The following DPH6 variants were observed in gnomAD, a reference collection of about 807,000 sequenced individuals.
DPH6 encodes diphthine--ammonia ligase.
Under a neutral mutation model 38.2 loss-of-function variants are expected in DPH6, and 33 were observed. The ratio of observed to expected loss-of-function variants is 0.86; its 90% CI spans 0.65 to 1.15. The LOEUF (loss-of-function observed/expected upper bound fraction) is 1.15. Among genes scored for constraint, DPH6 ranks in the 50% most tolerant of loss-of-function variants. The probability of loss-of-function intolerance (pLI) is 0.00; values close to 1 mark genes in which losing one functional copy is unlikely to be tolerated. For missense variants in DPH6, 325 were observed against 320.0 expected, an observed-to-expected ratio of 1.02 and a Z score of -0.12; for synonymous variants, 108 against 103.0, an observed-to-expected ratio of 1.05 and a Z score of -0.30.
intron 6 of DPH6, among the ~76,000 whole-genome samples, chr15:35,404,309 T>C (rs1027248103): frequency 1.3e-5 from 2 of 152,128 alleles, no homozygotes; most frequent in Non-Finnish European, 2.9e-5. Flanking sequence ...TCCAAACACT[T>C]CTCCAGAGTA....
intron 3 of DPH6, among the ~76,000 whole-genome samples, chr15:35,279,734 T>A (rs2051886107): frequency 6.6e-6 from 1 of 152,168 alleles, no homozygotes. Context: ...CCTGCAGAAC[T>A]GTGAGCCAAT....
chr15:35,346,537 C>G (rs1334501661), intron 3 of DPH6, among the ~76,000 whole-genome samples: 2 of 152,036 alleles, frequency 1.3e-5, no homozygotes, highest in East Asian at 3.9e-4. Context: ...TCAGTATTGC[C>G]AGAGATTGAG....
At chr15:35,180,784 G>C in the DPH6 span, among the ~76,000 whole-genome samples, 1 of 151,936 alleles carries the variant, frequency 6.6e-6, no homozygotes, top group Non-Finnish European at 1.5e-5. Flanking sequence ...CACCATGCCT[G>C]CCCTACTTTA....
rs186793838 is a variant in DPH6 at position 35,382,024 on chromosome 15, A to G, written c.568-108T>C. 1.8e-5 allele frequency: 14 copies of G among 777,186 alleles called. No homozygotes were observed. The African/African-American group carries it at 2.1e-4, about 12-fold the overall frequency. The allele number at this position is 777,186 out of a possible 1,614,324, so 48.1% of individuals were successfully genotyped here. The stretch of plus-strand genomic sequence containing the variant: ...CCATACAAAAAACTTTAATTCCAAA[A>G]TAGTTTGCAAGGTAAGGAAAATTAA... On this transcript the variant is annotated intron_variant, in intron 6 of 8. Transcript: ENST00000256538.
chr15:35,482,359 T>C (rs2054337622), intron 3 of DPH6, among the ~76,000 whole-genome samples: 2 of 152,178 alleles, frequency 1.3e-5, no homozygotes, highest in African/African-American at 4.8e-5. Context: ...AAGGTCAAGC[T>C]AGCCTCAAAT....
chr15:35,278,544 C>T (rs1378298122), intron 3 of DPH6, among the ~76,000 whole-genome samples: 1 of 152,216 alleles, frequency 6.6e-6, no homozygotes, highest in East Asian at 1.9e-4. Flanking sequence ...CACCAGGGCA[C>T]TGCCTAGTGG....
intron 7 of DPH6, among the ~76,000 whole-genome samples, chr15:35,378,534 T>C (rs2052813726): frequency 6.6e-6 from 1 of 152,206 alleles, no homozygotes; most frequent in South Asian, 2.1e-4. Context: ...ACATGTATGT[T>C]TATTGTGGCA....
the DPH6 span, among the ~76,000 whole-genome samples, chr15:35,161,341 T>C: frequency 1.3e-5 from 2 of 151,900 alleles, no homozygotes; most frequent in African/African-American, 2.4e-5. Flanking sequence ...TTTGTGGTTT[T>C]AAATCTTTAT....
At chr15:35,444,796 T>C (rs140253661) in intron 5 of DPH6, among the ~76,000 whole-genome samples, 3,666 of 152,268 alleles carry the variant, frequency 0.024, 59 homozygotes, top group Middle Eastern at 0.048. Flanking sequence ...CTAGTGTCTC[T>C]ATTTGGATTA....
At chr15:35,453,816 C>T (rs1410769092) in intron 4 of DPH6, among the ~76,000 whole-genome samples, 1 of 151,418 alleles carries the variant, frequency 6.6e-6, no homozygotes, top group Non-Finnish European at 1.5e-5. Context: ...AACAAGTGTT[C>T]AAATCTATTA....
At chr15:35,257,466 T>C (rs2589541) in intron 3 of DPH6, among the ~76,000 whole-genome samples, 83,191 of 152,036 alleles carry the variant, frequency 0.55, 26,589 homozygotes, top group Non-Finnish European at 0.73. Context: ...GCAATGCTAA[T>C]CAAAAAGTAT....
Position 35,474,399 on chromosome 15 carries a change from G to A in DPH6, c.313-19579C>T, listed in dbSNP as rs146359059. On this transcript the variant is annotated intron_variant, in intron 3 of 8. Transcript: ENST00000256538. ...AAAGAGAAACAAATACTGAGGACCA[G>A]TTACATTCTTCACTCTTTTTTGCCC... 5.8e-3 allele frequency among the ~76,000 whole-genome samples: 876 copies of A among 152,184 alleles called. 8 individuals carry two copies. The highest frequency in any genetic ancestry group is 0.016 in the African/African-American group (666 of 41,526).
the DPH6 span, among the ~76,000 whole-genome samples, chr15:35,212,217 G>A: frequency 6.6e-6 from 1 of 152,016 alleles, no homozygotes; most frequent in Non-Finnish European, 1.5e-5. Flanking sequence ...GGAAACTGTG[G>A]ACCACTTTTT....
chr15:35,520,183 A>T, intron 3 of DPH6: 1 of 479,470 alleles, frequency 2.1e-6, no homozygotes, highest in Non-Finnish European at 2.7e-6. Flanking sequence ...AATGACAGCT[A>T]CAGATCAATC....
At chr15:35,491,913 A>G (rs564659892) in intron 3 of DPH6, among the ~76,000 whole-genome samples, 2 of 151,778 alleles carry the variant, frequency 1.3e-5, no homozygotes, top group Non-Finnish European at 2.9e-5. Flanking sequence ...ATATGTATCT[A>G]TAGAACTATA....
intron 3 of DPH6, among the ~76,000 whole-genome samples, chr15:35,510,780 A>C (rs916595369): frequency 2.6e-5 from 4 of 152,210 alleles, no homozygotes; most frequent in African/African-American, 9.6e-5. Flanking sequence ...TAAATTAGGG[A>C]AGCTATATGT....
the DPH6 span, among the ~76,000 whole-genome samples, chr15:35,164,294 A>C: frequency 2.0e-5 from 3 of 152,030 alleles, no homozygotes; most frequent in East Asian, 3.9e-4. Context: ...ATTTTTTAAA[A>C]TGCCATTTTA....
At chr15:35,274,694 A>G (rs2051845835) in intron 3 of DPH6, among the ~76,000 whole-genome samples, 1 of 151,880 alleles carries the variant, frequency 6.6e-6, no homozygotes, top group Non-Finnish European at 1.5e-5. Flanking sequence ...ACAATGAGAT[A>G]CCATCTCACG....
At chr15:35,152,864 G>T in the DPH6 span, among the ~76,000 whole-genome samples, 6 of 151,900 alleles carry the variant, frequency 3.9e-5, no homozygotes, top group African/African-American at 1.2e-4. Context: ...TGTACTTAGT[G>T]GGAGGAATAT....
Sources: allele counts gnomAD v4.1 joint callset (sites outside exome capture counted in the v4.1 genomes callset), GRCh38; gene constraint gnomAD v4.1.1; transcripts MANE v1.5; gene names NCBI Gene and HGNC (gene_info 2026-07-23, HGNC 2026-07-21).